Variants in PIK3CD observed in about 807,000 individuals in gnomAD.
PIK3CD encodes phosphatidylinositol-4,5-bisphosphate 3-kinase catalytic subunit delta, also known as phosphatidylinositol 4,5-bisphosphate 3-kinase catalytic subunit delta isoform.
A neutral mutation model predicts 122.9 loss-of-function variants in PIK3CD; 20 were observed. The ratio of observed to expected loss-of-function variants is 0.16; its 90% CI spans 0.11 to 0.24. PIK3CD has a LOEUF of 0.24. PIK3CD is among the 10% of genes least tolerant of loss of function. The pLI, the probability that PIK3CD is intolerant of heterozygous loss-of-function variation, is 1.00. For synonymous variants in PIK3CD, 596 were observed against 593.4 expected (o/e 1.00, Z -0.06); for missense variants, 787 against 1,406.3 (o/e 0.56, Z 7.04).
rs1033140410 is a variant in PIK3CD at position 9,717,695 on chromosome 1, G to A, written c.1020+69G>A. The A allele has an allele frequency of 7.3e-7, 1 of 1,371,078 alleles. No individual in the cohort carries two copies. The highest frequency in any genetic ancestry group is 1.0e-6 in the Non-Finnish European group (1 of 969,174). The allele number at this position is 1,371,078 out of a possible 1,614,324, so 84.9% of individuals were successfully genotyped here. A position where few individuals can be genotyped will look rare whatever the true frequency, so the allele number is the denominator to read the frequency against. On this transcript the variant is annotated intron_variant, in intron 8 of 23. Transcript: ENST00000377346. The surrounding 1 kb of genome is among the most constrained non-coding windows in gnomAD (Gnocchi z 5.4). The stretch of plus-strand genomic sequence containing the variant: ...CAAACAAGGTGGCTGTATCCTGGAG[G>A]GGTAGCAGAGGAAGGAGGGGGATCA...
intron 3 of PIK3CD, among the ~76,000 whole-genome samples, chr1:9,712,369 C>T (rs1647089031): frequency 6.6e-6 from 1 of 152,148 alleles, no homozygotes; most frequent in Non-Finnish European, 1.5e-5. Context: ...CAACCTCCGC[C>T]TCCCAGGTTC....
At chr1:9,695,975 C>CTTT (rs577549219) in intron 2 of PIK3CD, among the ~76,000 whole-genome samples, 70 of 143,806 alleles carry the variant, frequency 4.9e-4, no homozygotes, top group African/African-American at 1.7e-3. Context: ...ACATTAAAGA[C>CTTT]TTTTTTTTTT....
At position 9,723,971 on chromosome 1, in the gene PIK3CD, A is replaced by T. The variant is rs1430108390; in HGVS notation, c.2597A>T (p.Glu866Val). 2.5e-6 allele frequency: 4 copies of T among 1,613,890 alleles called. No homozygotes were observed. The highest frequency in any genetic ancestry group is 1.3e-5 in the African/African-American group (1 of 74,924). ...LNWLKSKNPGEALDRAIEEFT... is the reference protein window; with the variant it reads ...LNWLKSKNPGVALDRAIEEFT... ...GCTTTTTAATCTTCCCCACCCAGGG[A>T]GGCCCTGGATCGAGCCATTGAGGAG... is the stretch of plus-strand genomic sequence containing the variant. The change falls in exon 21 of 24, where the codon GAG (glutamate) becomes GTG (valine). Residue 866 changes from glutamate to valine, a missense_variant and splice_region_variant. By Grantham distance (121) the Glu-to-Val change is moderately radical. Around this residue, in one of 6 missense-constraint regions of PIK3CD, gnomAD observed 69 missense variants for 166.8 expected, o/e 0.41. Transcript: ENST00000377346. This position sits in a 1 kb window ranked among gnomAD's most constrained non-coding sequence, Gnocchi z 4.9.
intron 1 of PIK3CD, chr1:9,672,745 A>G (rs1645370605): frequency 6.6e-6 from 1 of 152,186 alleles, no homozygotes; most frequent in South Asian, 2.1e-4. Flanking sequence ...ATAGTTTAAT[A>G]GCACTTTTAT....
chr1:9,675,828 C>T (rs1285663324), intron 1 of PIK3CD, among the ~76,000 whole-genome samples: 7 of 151,942 alleles, frequency 4.6e-5, no homozygotes, highest in East Asian at 3.9e-4. Context: ...TGCAGTGCTG[C>T]GATCATAGTT....
rs1246256775 is a variant in PIK3CD at position 9,717,937 on chromosome 1, G to C, written c.1020+311G>C. Among the ~76,000 whole-genome samples, 1 of 152,162 alleles carries C rather than the reference G, an allele frequency of 6.6e-6. No individual in the cohort carries two copies. The highest frequency in any genetic ancestry group is 1.5e-5 in the Non-Finnish European group (1 of 68,012). ...ACCGCAGAGCTGGGGGAAGGGCCGG[G>C]CATGGAAGAGGGGCTGGGTCCAGCT... On this transcript the variant is annotated intron_variant, in intron 8 of 23. Transcript: ENST00000377346. The surrounding 1 kb of genome is among the most constrained non-coding windows in gnomAD (Gnocchi z 5.4).
intron 2 of PIK3CD, among the ~76,000 whole-genome samples, chr1:9,708,168 G>C (rs1646914824): frequency 1.3e-5 from 2 of 150,870 alleles, no homozygotes; most frequent in African/African-American, 4.9e-5. Flanking sequence ...TGTACATACA[G>C]GCTTTTTGTT....
chr1:9,717,925 G>A lies in PIK3CD; in HGVS notation c.1020+299G>A, dbSNP rs1647801808. Among the ~76,000 whole-genome samples the A allele has an allele frequency of 6.6e-6, 1 of 152,170 alleles. No individual in the cohort carries two copies. Among genetic ancestry groups the A allele is most frequent in the South Asian group, 2.1e-4 (1 of 4,832 alleles). On this transcript the variant is annotated intron_variant, in intron 8 of 23. Coordinates refer to ENST00000377346, the MANE Select transcript of PIK3CD (RefSeq NM_005026.5). The surrounding 1 kb of genome is among the most constrained non-coding windows in gnomAD (Gnocchi z 5.4). ...CAGGGATCCGGGACCGCAGAGCTGG[G>A]GGAAGGGCCGGGCATGGAAGAGGGG...
chr1:9,653,436 C>A, intron 1 of PIK3CD: 1 of 247,162 alleles, frequency 4.0e-6, no homozygotes, highest in Non-Finnish European at 8.0e-6. Flanking sequence ...CAAGTAGTTT[C>A]TCCAGGATCC....
Position 9,721,833 on chromosome 1 carries a change from C to A in PIK3CD, c.2028C>A (p.Thr676=), listed in dbSNP as rs762003438. The A allele has an allele frequency of 6.2e-7, 1 of 1,613,172 alleles. No individual in the cohort carries two copies. Among genetic ancestry groups the A allele is most frequent in the Non-Finnish European group, 8.5e-7 (1 of 1,179,942 alleles). Residue 676 remains threonine (T), a synonymous_variant, in exon 16 of 24, where the codon ACC becomes ACA. Transcript: ENST00000377346. The part of the protein sequence containing the change: ...LILEAYCRGS[T]HHMKVLMKQG... ...TGGAGGCCTACTGCAGGGGCAGCAC[C>A]CACCACATGAAGGTGCTGATGAAGC... is the stretch of plus-strand genomic sequence containing the variant.
chr1:9,699,513 C>G (rs1279363406), intron 2 of PIK3CD, among the ~76,000 whole-genome samples: 1 of 152,194 alleles, frequency 6.6e-6, no homozygotes, highest in Non-Finnish European at 1.5e-5. Context: ...CCTGCAGGGT[C>G]AGACTCACCG....
At chr1:9,707,732 GA>G (rs1199133130) in intron 2 of PIK3CD, among the ~76,000 whole-genome samples, 1 of 151,848 alleles carries the variant, frequency 6.6e-6, no homozygotes, top group East Asian at 1.9e-4. Context: ...TATTGTGCAA[GA>G]GATAAAACGA....
At chr1:9,631,489 T>G in the PIK3CD span, among the ~76,000 whole-genome samples, 3 of 152,206 alleles carry the variant, frequency 2.0e-5, no homozygotes, top group African/African-American at 7.2e-5. Flanking sequence ...ACCCCGTCTC[T>G]ACTAAAAATA....
chr1:9,678,918 A>G (rs555072132), intron 1 of PIK3CD, among the ~76,000 whole-genome samples: 1 of 152,238 alleles, frequency 6.6e-6, no homozygotes, highest in East Asian at 1.9e-4. Context: ...TCTCCACTGT[A>G]TCATCGGCTC....
At chr1:9,649,682 A>G (rs143065671), upstream of PIK3CD, among the ~76,000 whole-genome samples, 4 of 152,318 alleles carry the variant, frequency 2.6e-5, no homozygotes, top group Non-Finnish European at 5.9e-5. Context: ...TTTACTTCCC[A>G]GGCTGGATTG....
chr1:9,680,343 G>T (rs1027463780), intron 1 of PIK3CD, among the ~76,000 whole-genome samples: 12 of 151,940 alleles, frequency 7.9e-5, no homozygotes, highest in Non-Finnish European at 1.0e-4. Context: ...TGTGCATGGT[G>T]GCTCATGTCT....
At chr1:9,632,867 T>C in the PIK3CD span, among the ~76,000 whole-genome samples, 1 of 150,804 alleles carries the variant, frequency 6.6e-6, no homozygotes, top group African/African-American at 2.4e-5. Context: ...GATTCTTTTT[T>C]TTTTTTTTTT....
At position 9,689,091 on chromosome 1, in the gene PIK3CD, T is replaced by C. The variant is rs899304531; in HGVS notation, c.-137-2376T>C. Among the ~76,000 whole-genome samples the C allele has an allele frequency of 6.6e-6, 1 of 152,228 alleles. No homozygotes were observed. The highest frequency in any genetic ancestry group is 2.4e-5 in the African/African-American group (1 of 41,466). On this transcript the variant is annotated intron_variant, in intron 1 of 23. Transcript: ENST00000377346. This position sits in a 1 kb window ranked among gnomAD's most constrained non-coding sequence, Gnocchi z 6.1. ...TCGAGTGAGTCTGGCTCCGGCTCTG[T>C]GACCTGGGTCCAGTACCCCGCCCTT...
At chr1:9,661,202 T>G (rs1312336859) in intron 1 of PIK3CD, among the ~76,000 whole-genome samples, 5 of 152,002 alleles carry the variant, frequency 3.3e-5, no homozygotes, top group Admixed American at 1.3e-4. Flanking sequence ...CCCAAAGTGC[T>G]GGGATTACAG....
Sources: allele counts gnomAD v4.1 joint callset (sites outside exome capture counted in the v4.1 genomes callset), GRCh38; gene constraint gnomAD v4.1.1; regional missense constraint gnomAD v4.1.1; non-coding constraint Gnocchi (gnomAD v3.1); transcripts MANE v1.5; gene names NCBI Gene and HGNC (gene_info 2026-07-23, HGNC 2026-07-21).